CAMLG: variants seen among roughly 807,000 people sequenced by gnomAD.
CAMLG encodes guided entry of tail-anchored proteins factor CAMLG.
In CAMLG, 23 loss-of-function variants were observed where a neutral mutation model predicts 28.9. The observed-to-expected ratio is 0.80, with a 90% confidence interval of 0.57 to 1.13. CAMLG has a LOEUF of 1.13. Among genes scored for constraint, CAMLG ranks in the 50% most tolerant of loss-of-function variants. The pLI, the probability that CAMLG is intolerant of heterozygous loss-of-function variation, is 0.00. For missense variants in CAMLG, 367 were observed against 371.9 expected, an observed-to-expected ratio of 0.99 and a Z score of 0.11; for synonymous variants, 141 against 146.5, an observed-to-expected ratio of 0.96 and a Z score of 0.27.
In CAMLG at chr5:134,741,194, G is replaced by A. The variant is rs763600778; in HGVS notation, c.304G>A (p.Val102Met). The A allele has an allele frequency of 1.9e-6, 3 of 1,614,188 alleles. No individual in the cohort carries two copies. Among genetic ancestry groups the A allele is most frequent in the Non-Finnish European group, 2.5e-6 (3 of 1,180,022 alleles). Residue 102 changes from valine (V) to methionine (M), a missense_variant, in exon 2 of 4, where the codon GTG becomes ATG. Coordinates refer to ENST00000297156, the MANE Select transcript of CAMLG (RefSeq NM_001745.4). ...AGGAACAACTGACCAGCAGGGTGGT[G>A]TGGCCGAGGTAAAGGGGACCCAACT... is the stretch of plus-strand genomic sequence containing the variant. Reference protein sequence around the residue: ...STGTTDQQGGVAEVKGTQLGD... With the variant: ...STGTTDQQGGMAEVKGTQLGD...
chr5:134,741,362 A>G lies in CAMLG; in HGVS notation c.472A>G (p.Arg158Gly). 1 of 1,614,262 alleles carries G rather than the reference A, an allele frequency of 6.2e-7. No individual in the cohort carries two copies. Among genetic ancestry groups the G allele is most frequent in the South Asian group, 1.1e-5 (1 of 91,092 alleles). The stretch of plus-strand genomic sequence containing the variant: ...CCATGGCCTAGAGCAGTACCTTTCC[A>G]GATTCGAAGAAGCAATGAAGCTAAG... The part of the protein sequence containing the change: ...SRHGLEQYLS[R>G]FEEAMKLRKQ... Residue 158 changes from arginine to glycine, a missense_variant, in exon 2 of 4, where the codon AGA becomes GGA. Transcript: ENST00000297156.
intron 3 of CAMLG, among the ~76,000 whole-genome samples, chr5:134,745,873 T>A (rs1580756666): frequency 6.7e-6 from 1 of 148,598 alleles, no homozygotes; most frequent in African/African-American, 2.5e-5. Context: ...GCACGGTGGC[T>A]CATGCCTGTA....
intron 3 of CAMLG, among the ~76,000 whole-genome samples, chr5:134,748,148 G>GTC (rs1753073310): frequency 6.6e-6 from 1 of 151,964 alleles, no homozygotes; most frequent in Admixed American, 6.6e-5. Flanking sequence ...CTGGTCTCTG[G>GTC]TCTCTATCTC....
chr5:134,741,228 A>G lies in CAMLG; in HGVS notation c.338A>G (p.Lys113Arg). 6.2e-7 allele frequency: 1 copy of G among 1,614,200 alleles called. No individual in the cohort carries two copies. The highest frequency in any genetic ancestry group is 8.5e-7 in the Non-Finnish European group (1 of 1,180,048). Residue 113 changes from lysine to arginine, a missense_variant, in exon 2 of 4, where the codon AAA (lysine) becomes AGA (arginine). Transcript: ENST00000297156. ...AEVKGTQLGD[K>R]LDSFIKPPEC... ...GTAAAGGGGACCCAACTGGGAGACA[A>G]ATTGGACTCGTTCATTAAACCACCT...
At chr5:134,743,569 TA>T (rs879838738) in intron 2 of CAMLG, among the ~76,000 whole-genome samples, 84 of 131,858 alleles carry the variant, frequency 6.4e-4, no homozygotes, top group African/African-American at 5.6e-4. Flanking sequence ...GACTCCATCT[TA>T]AAAAAAAAAA....
At chr5:134,740,055 T>A (rs1052536683) in intron 1 of CAMLG, among the ~76,000 whole-genome samples, 4 of 151,788 alleles carry the variant, frequency 2.6e-5, no homozygotes, top group Admixed American at 2.0e-4. Flanking sequence ...TAAAAAAAAA[T>A]TGTGTGTGTG....
intron 3 of CAMLG, among the ~76,000 whole-genome samples, chr5:134,745,904 C>T (rs1173802110): frequency 4.0e-5 from 6 of 150,634 alleles, no homozygotes; most frequent in Non-Finnish European, 5.9e-5. Context: ...TTTGGGAGGC[C>T]GAGGCGGGCG....
intron 3 of CAMLG, among the ~76,000 whole-genome samples, chr5:134,746,240 AAAC>A (rs1753047736): frequency 6.7e-6 from 1 of 148,540 alleles, no homozygotes; most frequent in Non-Finnish European, 1.5e-5. Context: ...AGAGAAAAAA[AAAC>A]AAAATTCAGA....
In CAMLG at chr5:134,738,601, C is replaced by T; in HGVS notation, c.-20C>T. On this transcript the variant is annotated 5_prime_UTR_variant, in exon 1 of 4. Transcript: ENST00000297156. ...CAACATCACCGCCACTGCCACCCCTCCCAGACTGTGGACGGGAGGATGGAG... is the reference window on the plus strand; with the variant it reads ...CAACATCACCGCCACTGCCACCCCTTCCAGACTGTGGACGGGAGGATGGAG... 1.2e-6 allele frequency: 2 copies of T among 1,600,864 alleles called. No individual in the cohort carries two copies. The highest frequency in any genetic ancestry group is 1.7e-6 in the Non-Finnish European group (2 of 1,174,546).
chr5:134,747,865 C>CTT (rs112151765), intron 3 of CAMLG, among the ~76,000 whole-genome samples: 4 of 137,522 alleles, frequency 2.9e-5, no homozygotes, highest in Admixed American at 1.5e-4. Flanking sequence ...TGGTCTCTTT[C>CTT]TTTTTTTTTT....
intron 1 of CAMLG, among the ~76,000 whole-genome samples, chr5:134,740,099 G>A (rs1444506381): frequency 6.6e-6 from 1 of 152,092 alleles, no homozygotes; most frequent in Non-Finnish European, 1.5e-5. Flanking sequence ...TTCCTAAGCT[G>A]GTCTGGAACT....
At chr5:134,742,594 T>G (rs940778707) in intron 2 of CAMLG, among the ~76,000 whole-genome samples, 1 of 152,236 alleles carries the variant, frequency 6.6e-6, no homozygotes, top group African/African-American at 2.4e-5. Context: ...CATTTTGTTT[T>G]ATAGTATATT....
chr5:134,746,417 A>T (rs1753050211), intron 3 of CAMLG, among the ~76,000 whole-genome samples: 1 of 152,174 alleles, frequency 6.6e-6, no homozygotes, highest in Non-Finnish European at 1.5e-5. Flanking sequence ...ATGTAAATGG[A>T]AGAGAGAAAA....
At chr5:134,747,776 G>C (rs1374883018) in intron 3 of CAMLG, among the ~76,000 whole-genome samples, 1 of 150,796 alleles carries the variant, frequency 6.6e-6, no homozygotes, top group Non-Finnish European at 1.5e-5. Context: ...CGAATAGCGG[G>C]GACTACAGGC....
In CAMLG at chr5:134,738,625, A is replaced by G. The variant is rs1259793543; in HGVS notation, c.5A>G (p.Glu2Gly). 1.2e-5 allele frequency: 19 copies of G among 1,610,420 alleles called. No homozygotes were observed. Among genetic ancestry groups the G allele is most frequent in the Non-Finnish European group, 1.6e-5 (19 of 1,178,874 alleles). MESMAVATDGGE... is the reference protein window; with the variant it reads MGSMAVATDGGE... ...TCCCAGACTGTGGACGGGAGGATGG[A>G]GTCGATGGCCGTCGCTACCGACGGC... The change falls in exon 1 of 4, where the codon GAG becomes GGG. Residue 2 changes from glutamate (E) to glycine (G), a missense_variant. Glu to Gly is a moderately conservative substitution (Grantham distance 98). Transcript: ENST00000297156.
chr5:134,747,445 A>G (rs1450385701), intron 3 of CAMLG, among the ~76,000 whole-genome samples: 1 of 151,396 alleles, frequency 6.6e-6, no homozygotes, highest in Non-Finnish European at 1.5e-5. Flanking sequence ...CCGGGTTCAC[A>G]CCATTCTCCT....
Position 134,738,699 on chromosome 5 carries a change from C to T in CAMLG, c.79C>T (p.Arg27Cys), listed in dbSNP as rs1439464512. 9 of 1,613,802 alleles carry T rather than the reference C, an allele frequency of 5.6e-6. No individual in the cohort carries two copies. Among genetic ancestry groups the T allele is most frequent in the Non-Finnish European group, 7.6e-6 (9 of 1,179,876 alleles). Residue 27 changes from arginine (R) to cysteine (C), a missense_variant, in exon 1 of 4, where the codon CGT becomes TGT. Coordinates refer to ENST00000297156, the MANE Select transcript of CAMLG (RefSeq NM_001745.4). ...PAGSGLSASQ[R>C]RAELRRRKLL... ...GGGCTCAGGTCTGTCGGCTTCCCAG[C>T]GTCGGGCGGAGCTGCGTCGGAGAAA...
At chr5:134,747,277 T>C (rs1282366641) in intron 3 of CAMLG, among the ~76,000 whole-genome samples, 1 of 152,184 alleles carries the variant, frequency 6.6e-6, no homozygotes, top group Non-Finnish European at 1.5e-5. Context: ...TCAAAGTATG[T>C]TGTAGGTGTA....
chr5:134,741,475 A>G lies in CAMLG; in HGVS notation c.585A>G (p.Gly195=). ...FDSFRIFRLV[G]CALLALGVRA... is the part of the protein sequence containing the mutation. Reference sequence around the variant, plus strand: ...CTTTTCGAATATTTAGATTGGTGGGATGTGCTCTTCTTGCTCTTGGAGTCA... The same window carrying G: ...CTTTTCGAATATTTAGATTGGTGGGGTGTGCTCTTCTTGCTCTTGGAGTCA... The change falls in exon 2 of 4, where the codon GGA becomes GGG. Residue 195 remains glycine (G), a synonymous_variant. Transcript: ENST00000297156. The G allele has an allele frequency of 6.2e-7, 1 of 1,613,986 alleles. No homozygotes were observed. The highest frequency in any genetic ancestry group is 8.5e-7 in the Non-Finnish European group (1 of 1,179,826).
Sources: allele counts gnomAD v4.1 joint callset (sites outside exome capture counted in the v4.1 genomes callset), GRCh38; gene constraint gnomAD v4.1.1; transcripts MANE v1.5; gene names NCBI Gene and HGNC (gene_info 2026-07-23, HGNC 2026-07-21).